Variants in SLC22A15 observed in about 807,000 individuals in gnomAD.
SLC22A15 encodes the protein flipt 1.
SLC22A15 carries 45 observed loss-of-function variants against 62.7 expected under a neutral mutation model. That is an observed-to-expected ratio of 0.72 (90% CI 0.56 to 0.92). The LOEUF (loss-of-function observed/expected upper bound fraction) is 0.92. Among genes scored for constraint, SLC22A15 ranks in the 40% least tolerant of loss-of-function variants. The pLI is 0.00. For synonymous variants in SLC22A15, 264 were observed against 267.0 expected, an observed-to-expected ratio of 0.99 and a Z score of 0.11; for missense variants, 622 against 665.6, an observed-to-expected ratio of 0.93 and a Z score of 0.72.
chr1:116,021,205 G>T (rs1035958467), intron 4 of SLC22A15, among the ~76,000 whole-genome samples: 1 of 152,174 alleles, frequency 6.6e-6, no homozygotes, highest in Non-Finnish European at 1.5e-5. Flanking sequence ...CTGAAAAATA[G>T]TGCAGACATA....
chr1:116,053,004 C>T (rs1658103730), intron 8 of SLC22A15, among the ~76,000 whole-genome samples: 1 of 152,188 alleles, frequency 6.6e-6, no homozygotes, highest in Non-Finnish European at 1.5e-5. Context: ...GAGTGCCTCT[C>T]CTCCTCCAAA....
chr1:116,058,687 A>C (rs115909220), intron 8 of SLC22A15, among the ~76,000 whole-genome samples: 3,612 of 152,290 alleles, frequency 0.024, 142 homozygotes, highest in African/African-American at 0.083. Context: ...AGCAGCACAA[A>C]TCCCAATTAC....
chr1:116,041,661 C>A (rs554135591), intron 8 of SLC22A15, among the ~76,000 whole-genome samples: 1 of 152,226 alleles, frequency 6.6e-6, no homozygotes, highest in African/African-American at 2.4e-5. Context: ...GAAATTGAAG[C>A]TTGGGGAAGC....
chr1:116,057,332 A>C (rs1269325647), intron 8 of SLC22A15, among the ~76,000 whole-genome samples: 2 of 151,874 alleles, frequency 1.3e-5, no homozygotes, highest in African/African-American at 4.8e-5. Flanking sequence ...GCCATCAGAG[A>C]AATGCAAATC....
At chr1:116,033,686 G>T (rs921237592) in intron 6 of SLC22A15, among the ~76,000 whole-genome samples, 2 of 152,066 alleles carry the variant, frequency 1.3e-5, no homozygotes, top group Admixed American at 6.6e-5. Flanking sequence ...TTCTGCAGGT[G>T]TAAGGGATTT....
intron 6 of SLC22A15, among the ~76,000 whole-genome samples, chr1:116,032,976 C>G (rs1183035534): frequency 6.6e-6 from 1 of 152,196 alleles, no homozygotes; most frequent in Non-Finnish European, 1.5e-5. Context: ...AACAAACAAA[C>G]AAACCCTAGA....
chr1:116,062,718 G>T (rs1334204564), intron 8 of SLC22A15, 44 bp from the exon 9 acceptor site: 1 of 1,611,500 alleles, frequency 6.2e-7, no homozygotes, highest in African/African-American at 1.3e-5. Context: ...TAGAGGAATT[G>T]TTTCAACTGT....
intron 1 of SLC22A15, among the ~76,000 whole-genome samples, chr1:115,980,225 A>G (rs911400862): frequency 6.6e-6 from 1 of 152,148 alleles, no homozygotes; most frequent in African/African-American, 2.4e-5. Context: ...AGCAAACATT[A>G]AACAATCTAA....
chr1:116,064,846 A>G (rs1658460250), intron 10 of SLC22A15, among the ~76,000 whole-genome samples: 2 of 152,060 alleles, frequency 1.3e-5, no homozygotes, highest in African/African-American at 2.4e-5. Context: ...CTTTCTACAT[A>G]TCATCACATG....
At chr1:116,010,055 TA>T (rs200217445) in intron 2 of SLC22A15, among the ~76,000 whole-genome samples, 3,852 of 152,284 alleles carry the variant, frequency 0.025, 174 homozygotes, top group African/African-American at 0.086. Context: ...ATTAACTTGG[TA>T]TTTAATGCAA....
chr1:116,026,827 T>C lies in SLC22A15; in HGVS notation c.599-66T>C. On this transcript the variant is annotated intron_variant, in intron 4 of 11. Transcript: ENST00000369503. ...ACCAGGAAGAAATTGGCTCTGTAAC[T>C]TGGGGTTGGAAATGGTGCTGCAGAT... The C allele has an allele frequency of 1.9e-6, 3 of 1,585,998 alleles. No individual in the cohort carries two copies. The South Asian group carries it at 3.4e-5, about 18-fold the overall frequency.
At chr1:116,036,679 C>T (rs141408776) in intron 7 of SLC22A15, among the ~76,000 whole-genome samples, 1 of 152,016 alleles carries the variant, frequency 6.6e-6, no homozygotes, top group Non-Finnish European at 1.5e-5. Context: ...TGTTGTAAGC[C>T]CCTAGAAAAG....
chr1:116,026,151 C>T (rs1189877030), intron 4 of SLC22A15, among the ~76,000 whole-genome samples: 4 of 152,038 alleles, frequency 2.6e-5, no homozygotes, highest in African/African-American at 4.8e-5. Context: ...AGGTGGCTCA[C>T]GCCTGTAATC....
At chr1:115,987,268 C>A (rs1273478091) in intron 1 of SLC22A15, among the ~76,000 whole-genome samples, 3 of 151,534 alleles carry the variant, frequency 2.0e-5, no homozygotes, top group South Asian at 4.2e-4. Flanking sequence ...CGGGTTCACG[C>A]CATTCTCCTG....
rs773367559 is a variant in SLC22A15 at position 116,062,762 on chromosome 1, A to G, written c.1172A>G (p.Asp391Gly). ...CAGGCATTGCCCTTGTCCTCCTCAG[A>G]CACAGGTGTGTTTGCAGTGGTGAAC... ...LIVMFLPEKK[D>G]TGVFAVVNSH... Residue 391 changes from aspartate (D) to glycine (G), a missense_variant and splice_region_variant, in exon 9 of 12, where the codon GAC becomes GGC. Coordinates refer to ENST00000369503, the MANE Select transcript of SLC22A15 (RefSeq NM_018420.3). 1.2e-6 allele frequency: 2 copies of G among 1,613,862 alleles called. No individual in the cohort carries two copies. The highest frequency in any genetic ancestry group is 2.2e-5 in the East Asian group (1 of 44,872).
At chr1:116,048,795 A>C (rs1214867468) in intron 8 of SLC22A15, among the ~76,000 whole-genome samples, 1 of 152,240 alleles carries the variant, frequency 6.6e-6, no homozygotes, top group Non-Finnish European at 1.5e-5. Context: ...TCCACTTAAA[A>C]GATACAGAAC....
intron 10 of SLC22A15, among the ~76,000 whole-genome samples, chr1:116,065,321 C>T (rs1364816512): frequency 2.0e-5 from 3 of 152,152 alleles, no homozygotes; most frequent in African/African-American, 7.2e-5. Context: ...GAGTATCTCT[C>T]TCCATGTCTC....
intron 3 of SLC22A15, among the ~76,000 whole-genome samples, chr1:116,020,120 A>G (rs1656743919): frequency 6.6e-6 from 1 of 152,142 alleles, no homozygotes; most frequent in Admixed American, 6.5e-5. Flanking sequence ...CAAGCTGAGT[A>G]TGAGCAAGGG....
Position 116,068,201 on chromosome 1 carries a change from A to G in SLC22A15, c.*1093A>G, listed in dbSNP as rs751375910. 1.9e-4 allele frequency: 29 copies of G among 152,634 alleles called. No individual in the cohort carries two copies. The highest frequency in any genetic ancestry group is 3.2e-3 in the Middle Eastern group (1 of 316). The allele number at this position is 152,634 out of a possible 1,614,324, so 9.5% of individuals were successfully genotyped here. A position where few individuals can be genotyped will look rare whatever the true frequency, so the allele number is the denominator to read the frequency against. On this transcript the variant is annotated 3_prime_UTR_variant, in exon 12 of 12. Transcript: ENST00000369503. ...CTACCAACTTTCAAGTGAATCTTGT[A>G]TTTGATTTCCTAAAATCATGTCTTG...
Sources: gnomAD v4.1 joint callset for allele counts (sites outside exome capture counted in the v4.1 genomes callset) on GRCh38, gnomAD v4.1.1 for gene constraint, MANE v1.5 for transcripts, NCBI Gene and HGNC (gene_info 2026-07-23, HGNC 2026-07-21) for gene names.